LRCH2: variants seen among roughly 807,000 people sequenced by gnomAD.
The protein encoded by LRCH2 is leucine-rich repeat and calponin homology domain-containing protein 2.
A neutral mutation model predicts 68.9 loss-of-function variants in LRCH2; 38 were observed. That is an observed-to-expected ratio of 0.55 (90% CI 0.43 to 0.72). The LOEUF is 0.72. LRCH2 is among the 30% of genes least tolerant of loss of function. The probability of loss-of-function intolerance (pLI) is 0.00; values close to 1 mark genes in which losing one functional copy is unlikely to be tolerated. For missense variants in LRCH2, 528 were observed against 572.9 expected, an observed-to-expected ratio of 0.92 and a Z score of 0.80; for synonymous variants, 191 against 208.1, an observed-to-expected ratio of 0.92 and a Z score of 0.71.
chrX:115,116,686 T>C (rs1556524178), intron 20 of LRCH2, among the ~76,000 whole-genome samples: 2 of 111,209 alleles, frequency 1.8e-5, no homozygotes, highest in Admixed American at 1.9e-4. Flanking sequence ...TCAATAAAAA[T>C]ATTTTCTTAA....
At chrX:115,186,963 C>T (rs903412171) in intron 2 of LRCH2, among the ~76,000 whole-genome samples, 3 of 109,725 alleles carry the variant, frequency 2.7e-5, no homozygotes, top group African/African-American at 6.7e-5. Flanking sequence ...GGACTACAGG[C>T]GCCCACCACC....
At chrX:115,115,360 G>C (rs1423556860) in intron 20 of LRCH2, among the ~76,000 whole-genome samples, 2 of 110,737 alleles carry the variant, frequency 1.8e-5, no homozygotes, top group Non-Finnish European at 3.8e-5. Context: ...GAATTTAGTG[G>C]TAAAAAAAAC....
intron 20 of LRCH2, among the ~76,000 whole-genome samples, chrX:115,118,420 G>T (rs1473720572): frequency 9.2e-6 from 1 of 109,148 alleles, no homozygotes; most frequent in Admixed American, 9.8e-5. Flanking sequence ...AAATCTAGAA[G>T]AAATGGATAA....
intron 1 of LRCH2, among the ~76,000 whole-genome samples, chrX:115,214,705 A>C (rs1195652454): frequency 8.9e-6 from 1 of 112,234 alleles, no homozygotes; most frequent in Non-Finnish European, 1.9e-5. Context: ...TTTTCAGCAC[A>C]GGAACCTTGA....
rs1556539831 is a variant in LRCH2, at chrX:115,156,648, A to C, written c.1483T>G (p.Ser495Ala). ...QKNRILNHST[S>A]VMRNKPKQTV... ...TGTTTTGGCTTGTTTCTCATCACAG[A>C]AGTTGAATGATTAAGAATCCTAGAA... is the stretch of plus-strand genomic sequence containing the variant. The change falls in exon 12 of 21, where the codon TCT becomes GCT. Residue 495 changes from serine (S) to alanine (A), a missense_variant. Ser to Ala is a moderately conservative substitution (Grantham distance 99, BLOSUM62 1). Coordinates refer to ENST00000317135, the MANE Select transcript of LRCH2 (RefSeq NM_020871.4). The C allele has an allele frequency of 8.8e-7, 1 of 1,132,266 alleles. No individual in the cohort carries two copies. The highest frequency in any genetic ancestry group is 1.2e-6 in the Non-Finnish European group (1 of 853,546). The allele number at this position is 1,132,266 out of a possible 1,213,427, so 93.3% of individuals were successfully genotyped here. A position where few individuals can be genotyped will look rare whatever the true frequency, so the allele number is the denominator to read the frequency against.
chrX:115,175,695 A>G (rs1359456497), intron 5 of LRCH2, among the ~76,000 whole-genome samples: 3 of 112,046 alleles, frequency 2.7e-5, no homozygotes, highest in Non-Finnish European at 5.6e-5. Flanking sequence ...GTTTTTTGTT[A>G]TAGGGGTATC....
intron 1 of LRCH2, among the ~76,000 whole-genome samples, chrX:115,203,502 T>C (rs2072943835): frequency 8.9e-6 from 1 of 112,490 alleles, no homozygotes; most frequent in African/African-American, 3.2e-5. Flanking sequence ...ATTTTGCCTA[T>C]GAGCCTGTAA....
intron 20 of LRCH2, among the ~76,000 whole-genome samples, chrX:115,120,357 G>A (rs373180687): frequency 2.4e-4 from 19 of 79,992 alleles, no homozygotes; most frequent in East Asian, 3.9e-4. Flanking sequence ...AAAAGTGGGC[G>A]AAGGACATGA....
intron 1 of LRCH2, among the ~76,000 whole-genome samples, chrX:115,207,242 GA>G (rs145621293): frequency 1.1e-4 from 12 of 108,215 alleles, no homozygotes; most frequent in African/African-American, 3.7e-4. Flanking sequence ...AAAATCGGGG[GA>G]AAAAAAAACA....
At position 115,233,732 on chromosome X, in the gene LRCH2, G is replaced by C. The variant is rs2073168504; in HGVS notation, c.310C>G (p.Pro104Ala). 3.4e-6 allele frequency: 4 copies of C among 1,180,152 alleles called. No individual in the cohort carries two copies. Among genetic ancestry groups the C allele is most frequent in the Non-Finnish European group, 4.6e-6 (4 of 878,593 alleles). The change falls in exon 1 of 21, where the codon CCG becomes GCG. Residue 104 changes from proline to alanine, a missense_variant. Pro to Ala is a conservative substitution (Grantham distance 27, BLOSUM62 -1). Transcript: ENST00000317135. ...TCCGTCAGGTCGTAGCCGCTGCCCGGGAAGTCTCGGAGTTTCCGACCACTG... is the reference window on the plus strand; with the variant it reads ...TCCGTCAGGTCGTAGCCGCTGCCCGCGAAGTCTCGGAGTTTCCGACCACTG... ...SLSGRKLRDF[P>A]GSGYDLTDTT...
intron 14 of LRCH2, chrX:115,138,974 A>G (rs1189382158): frequency 3.6e-5 from 4 of 111,373 alleles, no homozygotes; most frequent in African/African-American, 1.3e-4. Flanking sequence ...AAAAACAGAA[A>G]GGTCAGTCCA....
intron 1 of LRCH2, among the ~76,000 whole-genome samples, chrX:115,229,743 C>T (rs181557712): frequency 2.6e-3 from 287 of 111,885 alleles, no homozygotes; most frequent in African/African-American, 8.5e-3. Flanking sequence ...GCTCATTCCA[C>T]TAAATGCACT....
intron 12 of LRCH2, among the ~76,000 whole-genome samples, chrX:115,150,552 A>AT (rs2072424379): frequency 9.0e-6 from 1 of 111,228 alleles, no homozygotes; most frequent in East Asian, 2.8e-4. Context: ...TTTTCATCTA[A>AT]TTTTTTGTTG....
chrX:115,226,185 T>C (rs1214773595), intron 1 of LRCH2, among the ~76,000 whole-genome samples: 1 of 111,408 alleles, frequency 9.0e-6, no homozygotes, highest in Non-Finnish European at 1.9e-5. Context: ...ATAAAGATGG[T>C]ATATTCACAT....
intron 1 of LRCH2, among the ~76,000 whole-genome samples, chrX:115,200,351 T>A (rs782698161): frequency 9.0e-6 from 1 of 110,901 alleles, no homozygotes; most frequent in African/African-American, 3.3e-5. Flanking sequence ...AAGAGTTGAT[T>A]CTTCAAAAAG....
intron 1 of LRCH2, among the ~76,000 whole-genome samples, chrX:115,225,282 CAG>C (rs2073111354): frequency 9.0e-6 from 1 of 111,284 alleles, no homozygotes; most frequent in South Asian, 3.8e-4. Context: ...GAGAATGGGA[CAG>C]AGAGACAGGA....
intron 1 of LRCH2, among the ~76,000 whole-genome samples, chrX:115,223,109 G>A (rs1210235918): frequency 9.0e-6 from 1 of 111,232 alleles, no homozygotes; most frequent in Non-Finnish European, 1.9e-5. Flanking sequence ...TCAAAAAATG[G>A]TGCTAGGACA....
chrX:115,167,935 A>C (rs2072576833), intron 6 of LRCH2, among the ~76,000 whole-genome samples: 1 of 112,237 alleles, frequency 8.9e-6, no homozygotes, highest in African/African-American at 3.2e-5. Flanking sequence ...GATGATAATA[A>C]GCTATTTGTT....
At chrX:115,127,155 G>A (rs2072207036) in intron 15 of LRCH2, among the ~76,000 whole-genome samples, 1 of 110,703 alleles carries the variant, frequency 9.0e-6, no homozygotes, top group African/African-American at 3.3e-5. Flanking sequence ...CCCTCAAGTG[G>A]TTCGAAATAT....
Sources: allele counts gnomAD v4.1 joint callset (sites outside exome capture counted in the v4.1 genomes callset), GRCh38; gene constraint gnomAD v4.1.1; transcripts MANE v1.5; gene names NCBI Gene and HGNC (gene_info 2026-07-23, HGNC 2026-07-21).